Variants in STX6 observed in about 807,000 individuals in gnomAD.
STX6 encodes syntaxin 6.
In STX6, 23 loss-of-function variants were observed where a neutral mutation model predicts 38.0. The observed-to-expected ratio is 0.60, with a 90% CI of 0.43 to 0.86. The LOEUF is 0.86. Among genes scored for constraint, STX6 ranks in the 40% least tolerant of loss-of-function variants. The pLI is 0.00. For synonymous variants in STX6, 123 were observed against 107.5 expected (o/e 1.14, Z -0.89); for missense variants, 274 against 312.9 (o/e 0.88, Z 0.94).
rs142532820 is a variant in STX6, at chr1:181,000,909, T to C, written c.300+1697A>G. Among the ~76,000 whole-genome samples, 570 of 147,170 alleles carry C rather than the reference T, an allele frequency of 3.9e-3. 5 individuals carry two copies. Among genetic ancestry groups the C allele is most frequent in the African/African-American group, 0.014 (548 of 40,104 alleles). On this transcript the variant is annotated intron_variant, in intron 3 of 7. Coordinates refer to ENST00000258301, the MANE Select transcript of STX6 (RefSeq NM_005819.6). ...AAAAAAAAAAGCTTATACAAAATAA[T>C]TGGGGATTTACTTATCTTACAAAAA...
intron 1 of STX6, among the ~76,000 whole-genome samples, chr1:181,011,213 T>C (rs967151533): frequency 4.6e-5 from 7 of 152,350 alleles, no homozygotes; most frequent in Admixed American, 1.3e-4. Context: ...TTATTTTACA[T>C]TTTTAAGATG....
intron 1 of STX6, among the ~76,000 whole-genome samples, chr1:181,013,171 AT>A (rs1265294292): frequency 6.6e-6 from 1 of 152,004 alleles, no homozygotes; most frequent in Non-Finnish European, 1.5e-5. Flanking sequence ...AAAAAAAAAA[AT>A]CACAAAGTTT....
At chr1:180,978,705 C>G (rs1655318752) in intron 7 of STX6, among the ~76,000 whole-genome samples, 1 of 152,224 alleles carries the variant, frequency 6.6e-6, no homozygotes, top group African/African-American at 2.4e-5. Flanking sequence ...CCAGTCTTCT[C>G]TAGCCATCCA....
chr1:180,982,086 A>G (rs1655433916), intron 7 of STX6, among the ~76,000 whole-genome samples: 1 of 152,200 alleles, frequency 6.6e-6, no homozygotes. Flanking sequence ...GTCATTCAAA[A>G]AAGTAAATGT....
chr1:181,008,493 G>C (rs1458419179), intron 1 of STX6, among the ~76,000 whole-genome samples: 6 of 152,136 alleles, frequency 3.9e-5, no homozygotes, highest in Non-Finnish European at 8.8e-5. Flanking sequence ...TTTCACATTT[G>C]AGATGCTCAA....
At chr1:180,986,906 T>G (rs1235359255) in intron 6 of STX6, among the ~76,000 whole-genome samples, 4 of 152,122 alleles carry the variant, frequency 2.6e-5, no homozygotes, top group African/African-American at 9.7e-5. Context: ...AAACTGAACT[T>G]TAGGGTCAGG....
intron 3 of STX6, among the ~76,000 whole-genome samples, chr1:180,998,657 A>T (rs976123982): frequency 1.3e-5 from 2 of 152,234 alleles, no homozygotes; most frequent in African/African-American, 4.8e-5. Flanking sequence ...CTGGGATTAT[A>T]GGCATGAGCC....
intron 4 of STX6, 121 bp from the exon 5 acceptor site, chr1:180,990,230 A>T: frequency 7.6e-7 from 1 of 1,316,320 alleles, no homozygotes; most frequent in Non-Finnish European, 1.0e-6. Context: ...CCCCTGGGCA[A>T]GGCTTTTATG....
chr1:181,016,349 C>CT (rs959200655), intron 1 of STX6, among the ~76,000 whole-genome samples: 18 of 151,572 alleles, frequency 1.2e-4, no homozygotes, highest in East Asian at 5.8e-4. Flanking sequence ...ATGGGTCTTT[C>CT]TTTTTTTTTC....
At chr1:181,020,561 C>T (rs574238161) in intron 1 of STX6, among the ~76,000 whole-genome samples, 34 of 152,140 alleles carry the variant, frequency 2.2e-4, no homozygotes, top group Non-Finnish European at 5.0e-4. Flanking sequence ...GCAGGAAGAA[C>T]AATTAAAAAG....
At chr1:181,000,581 AC>A (rs1656052182) in intron 3 of STX6, among the ~76,000 whole-genome samples, 1 of 152,226 alleles carries the variant, frequency 6.6e-6, no homozygotes, top group Admixed American at 6.5e-5. Flanking sequence ...TATGGGGATT[AC>A]AATTCAAGAT....
intron 7 of STX6, among the ~76,000 whole-genome samples, chr1:180,977,969 G>C (rs1440908897): frequency 1.3e-5 from 2 of 152,188 alleles, no homozygotes; most frequent in African/African-American, 4.8e-5. Context: ...AGTTAACTCT[G>C]AGCAGGACAA....
In STX6 at chr1:180,999,476, C is replaced by T. The variant is rs142251539; in HGVS notation, c.300+3130G>A. Among the ~76,000 whole-genome samples, 29 of 152,134 alleles carry T rather than the reference C, an allele frequency of 1.9e-4. No individual in the cohort carries two copies. In the Middle Eastern group the frequency reaches 0.01, roughly 54 times the overall value. On this transcript the variant is annotated intron_variant, in intron 3 of 7. Transcript: ENST00000258301. ...CTCAAAAATATGAAAGCTATTTACA[C>T]AAAAATGTGAGTATTTTGGTTCTTC...
At chr1:180,987,808 A>AG (rs1449494836) in intron 6 of STX6, 2 of 152,090 alleles carry the variant, frequency 1.3e-5, no homozygotes, top group South Asian at 2.1e-4. Context: ...TTTAAAAAAA[A>AG]AAAACAAAGT....
At chr1:181,022,506 C>G (rs1656768004) in intron 1 of STX6, 133 bp downstream of exon 1, 1 of 894,684 alleles carries the variant, frequency 1.1e-6, no homozygotes, top group South Asian at 1.5e-5. Context: ...GCCCTCAAGA[C>G]TAAGCCGTCT....
intron 6 of STX6, among the ~76,000 whole-genome samples, chr1:180,986,768 G>A (rs987903502): frequency 6.6e-5 from 10 of 152,192 alleles, no homozygotes; most frequent in Non-Finnish European, 1.3e-4. Flanking sequence ...GCTGTGGAGA[G>A]GGAGTGGAGG....
intron 3 of STX6, among the ~76,000 whole-genome samples, chr1:180,997,927 TTTCTC>T (rs1655960589): frequency 6.6e-6 from 1 of 152,176 alleles, no homozygotes; most frequent in Non-Finnish European, 1.5e-5. Flanking sequence ...GAAGAGGCAT[TTTCTC>T]TTCAAAGTTT....
chr1:180,984,088 A>AAAAAAAAAAC lies in STX6; in HGVS notation c.691+588_691+589insGTTTTTTTTT, dbSNP rs57204299. On this transcript the variant is annotated intron_variant, in intron 7 of 7. Coordinates refer to ENST00000258301, the MANE Select transcript of STX6 (RefSeq NM_005819.6). ...CAAAAAAAAAAAAAAAAAAAAAAAA[A>AAAAAAAAAAC]AACACAACGAAAGTGACTCTACTGG... Among the ~76,000 whole-genome samples, 116 of 101,456 alleles carry AAAAAAAAAAC rather than the reference A, an allele frequency of 1.1e-3. 16 individuals are homozygous for AAAAAAAAAAC. The highest frequency in any genetic ancestry group is 0.011 in the Middle Eastern group (2 of 178). The allele number at this position is 101,456 out of a possible 152,430, so 66.6% of individuals were successfully genotyped here. A position where few individuals can be genotyped will look rare whatever the true frequency, so the allele number is the denominator to read the frequency against.
chr1:181,008,433 T>C (rs1656290690), intron 1 of STX6, among the ~76,000 whole-genome samples: 1 of 152,222 alleles, frequency 6.6e-6, no homozygotes, highest in African/African-American at 2.4e-5. Context: ...CCAGTGAGCA[T>C]TTCTTTTGAG....
Sources: gnomAD v4.1 joint callset for allele counts (sites outside exome capture counted in the v4.1 genomes callset) on GRCh38, gnomAD v4.1.1 for gene constraint, MANE v1.5 for transcripts, NCBI Gene and HGNC (gene_info 2026-07-23, HGNC 2026-07-21) for gene names.